Variants in HTR4 observed in about 807,000 individuals in gnomAD.
The protein encoded by HTR4 is 5-hydroxytryptamine receptor 4.
A neutral mutation model predicts 36.8 loss-of-function variants in HTR4; 16 were observed. That is an observed-to-expected ratio of 0.43 (90% CI 0.29 to 0.66). The LOEUF is 0.66. HTR4 is among the 30% of genes least tolerant of loss of function. The probability of loss-of-function intolerance (pLI) is 0.13; values close to 1 mark genes in which losing one functional copy is unlikely to be tolerated. For synonymous variants in HTR4, 189 were observed against 185.1 expected, an observed-to-expected ratio of 1.02 and a Z score of -0.17; for missense variants, 438 against 490.9, an observed-to-expected ratio of 0.89 and a Z score of 1.02.
chr5:148,571,970 T>C (rs1263251016), intron 2 of HTR4, among the ~76,000 whole-genome samples: 4 of 152,128 alleles, frequency 2.6e-5, no homozygotes, highest in African/African-American at 7.2e-5. Context: ...GGTGTGTTCA[T>C]TTGAGTGTGT....
At chr5:148,520,364 C>T (rs554965955) in intron 5 of HTR4, among the ~76,000 whole-genome samples, 2 of 152,266 alleles carry the variant, frequency 1.3e-5, no homozygotes, top group South Asian at 2.1e-4. Context: ...TCTAAGTGAA[C>T]AAAAACTTTC....
downstream of HTR4, among the ~76,000 whole-genome samples, chr5:148,475,360 G>A (rs573951348): frequency 1.4e-4 from 21 of 152,292 alleles, no homozygotes; most frequent in Non-Finnish European, 2.6e-4. Context: ...AATATGTGAA[G>A]TGTTTAGGTA....
chr5:148,559,597 C>T (rs1480850521), intron 2 of HTR4, among the ~76,000 whole-genome samples: 1 of 151,990 alleles, frequency 6.6e-6, no homozygotes, highest in Non-Finnish European at 1.5e-5. Flanking sequence ...ACTAAACATA[C>T]AAATGGACAA....
chr5:148,535,571 C>T (rs191896085), intron 4 of HTR4, among the ~76,000 whole-genome samples: 112 of 152,258 alleles, frequency 7.4e-4, no homozygotes, highest in African/African-American at 2.6e-3. Flanking sequence ...ACTAACACAA[C>T]ACAAGAATTT....
chr5:148,469,119 A>T (rs1755504851), intron 5 of HTR4, among the ~76,000 whole-genome samples: 1 of 152,128 alleles, frequency 6.6e-6, no homozygotes, highest in South Asian at 2.1e-4. Context: ...CATAATTTTT[A>T]TTATTTTTGC....
chr5:148,539,932 G>C (rs535557382), intron 4 of HTR4, among the ~76,000 whole-genome samples: 5 of 152,148 alleles, frequency 3.3e-5, no homozygotes, highest in South Asian at 4.2e-4. Flanking sequence ...AATGTTTTTT[G>C]CAGCACCCTT....
chr5:148,589,716 A>G (rs994376432), intron 2 of HTR4, among the ~76,000 whole-genome samples: 1 of 152,106 alleles, frequency 6.6e-6, no homozygotes, highest in Non-Finnish European at 1.5e-5. Context: ...TTATGGAGAT[A>G]TACTTTACAA....
At chr5:148,514,247 G>T (rs745368239) in intron 5 of HTR4, among the ~76,000 whole-genome samples, 54 of 152,116 alleles carry the variant, frequency 3.5e-4, no homozygotes, top group South Asian at 1.2e-3. Flanking sequence ...GTATGTCAAT[G>T]CCCTCTACTT....
At chr5:148,588,119 T>A (rs1013172512) in intron 2 of HTR4, among the ~76,000 whole-genome samples, 7 of 152,162 alleles carry the variant, frequency 4.6e-5, no homozygotes, top group Admixed American at 1.3e-4. Context: ...TGAGATCTAA[T>A]CCTGCTCTGC....
chr5:148,504,046 G>A (rs1052119751), intron 6 of HTR4, among the ~76,000 whole-genome samples: 2 of 152,096 alleles, frequency 1.3e-5, no homozygotes, highest in Non-Finnish European at 1.5e-5. Flanking sequence ...ATAATAATGG[G>A]AGACTTTAAC....
At chr5:148,544,380 T>C (rs1446546384) in intron 4 of HTR4, among the ~76,000 whole-genome samples, 1 of 151,998 alleles carries the variant, frequency 6.6e-6, no homozygotes, top group African/African-American at 2.4e-5. Flanking sequence ...TGCATCTCTA[T>C]ATTTATTTTA....
At chr5:148,594,998 A>G (rs1761714455) in intron 2 of HTR4, among the ~76,000 whole-genome samples, 1 of 152,218 alleles carries the variant, frequency 6.6e-6, no homozygotes, top group African/African-American at 2.4e-5. Flanking sequence ...AAAATAAAGA[A>G]AAACAAACAC....
At chr5:148,647,304 A>T (rs1236928444) in intron 1 of HTR4, among the ~76,000 whole-genome samples, 2 of 152,294 alleles carry the variant, frequency 1.3e-5, no homozygotes, top group Non-Finnish European at 2.9e-5. Context: ...TTATGAAATC[A>T]TCTGTGTCAA....
At chr5:148,629,197 C>A (rs979195579) in intron 2 of HTR4, 1 of 152,134 alleles carries the variant, frequency 6.6e-6, no homozygotes, top group Non-Finnish European at 1.5e-5. Flanking sequence ...GACTGAGCAA[C>A]AGACCCAGAA....
chr5:148,600,976 CAAAAAAAAAAAAAAAA>C (rs58003522), intron 2 of HTR4, among the ~76,000 whole-genome samples: 2 of 13,546 alleles, frequency 1.5e-4, no homozygotes, highest in African/African-American at 7.8e-4. Context: ...AACTCAATAG[CAAAAAAAAAAAAAAAA>C]AAAAAAAAAA....
intron 2 of HTR4, among the ~76,000 whole-genome samples, chr5:148,581,305 C>G (rs1473196987): frequency 2.0e-5 from 3 of 151,940 alleles, no homozygotes; most frequent in Non-Finnish European, 4.4e-5. Context: ...GTCGCCTTTT[C>G]ACTCTGATGT....
intron 1 of HTR4, among the ~76,000 whole-genome samples, chr5:148,644,422 G>GTTTTTTTTTTTTT (rs1175588280): frequency 2.2e-4 from 9 of 40,616 alleles, no homozygotes; most frequent in African/African-American, 6.4e-4. Flanking sequence ...AAGCTCACAA[G>GTTTTTTTTTTTTT]TTTTTTTTTT....
At chr5:148,533,610 G>A (rs1428394768) in intron 4 of HTR4, among the ~76,000 whole-genome samples, 1 of 152,082 alleles carries the variant, frequency 6.6e-6, no homozygotes, top group Non-Finnish European at 1.5e-5. Flanking sequence ...ATAATAAGTT[G>A]GAATTCTAGA....
chr5:148,569,748 G>A (rs1243419403), intron 2 of HTR4, among the ~76,000 whole-genome samples: 1 of 151,686 alleles, frequency 6.6e-6, no homozygotes, highest in Non-Finnish European at 1.5e-5. Flanking sequence ...GAAGAAGAGG[G>A]AGACAGAAAT....
Sources: gnomAD v4.1 joint callset for allele counts (sites outside exome capture counted in the v4.1 genomes callset) on GRCh38, gnomAD v4.1.1 for gene constraint, MANE v1.5 for transcripts, NCBI Gene and HGNC (gene_info 2026-07-23, HGNC 2026-07-21) for gene names.